ANKRD36C: variants seen among roughly 807,000 people sequenced by gnomAD.
The protein encoded by ANKRD36C is ankyrin repeat domain-containing protein 36C.
In ANKRD36C, 61 loss-of-function variants were observed where a neutral mutation model predicts 276.4. The ratio of observed to expected loss-of-function variants is 0.22; its 90% confidence interval spans 0.18 to 0.27. The LOEUF (loss-of-function observed/expected upper bound fraction) is 0.27, where lower values mean the gene tolerates loss of function less well. Ranked by LOEUF, ANKRD36C falls within the 10% of genes least tolerant of loss-of-function variation. The probability of loss-of-function intolerance (pLI) is 1.00; values close to 1 mark genes in which losing one functional copy is unlikely to be tolerated. For synonymous variants in ANKRD36C, 483 were observed against 680.1 expected (o/e 0.71, Z 4.51); for missense variants, 1,447 against 2,032.3 (o/e 0.71, Z 5.54).
chr2:95,910,290 GA>G, intron 42 of ANKRD36C, 82 bp downstream of exon 46: 2 of 1,413,232 alleles, frequency 1.4e-6, no homozygotes, highest in East Asian at 5.1e-5. Context: ...CAGCTTCGAC[GA>G]GCCACCCGCT....
At chr2:95,955,762 T>C (rs1255909749) in intron 13 of ANKRD36C, among the ~76,000 whole-genome samples, 1 of 152,166 alleles carries the variant, frequency 6.6e-6, no homozygotes, top group African/African-American at 2.4e-5. Flanking sequence ...TTTTCTCTCT[T>C]TGAGTTTCAG....
chr2:95,864,067 G>A (rs1157240033), intron 60 of ANKRD36C, among the ~76,000 whole-genome samples: 1 of 151,806 alleles, frequency 6.6e-6, no homozygotes, highest in Non-Finnish European at 1.5e-5. Context: ...AACATGTATT[G>A]GATTGGGGGT....
intron 59 of ANKRD36C, among the ~76,000 whole-genome samples, chr2:95,869,068 T>A (rs1675745126): frequency 6.6e-6 from 1 of 152,044 alleles, no homozygotes; most frequent in African/African-American, 2.4e-5. Context: ...CTAGTTTTCT[T>A]TCTTAGATGT....
At chr2:95,860,231 G>A (rs2696798) in intron 60 of ANKRD36C, among the ~76,000 whole-genome samples, 157 bp from the exon 81 acceptor site, 1 of 151,900 alleles carries the variant, frequency 6.6e-6, no homozygotes, top group African/African-American at 2.4e-5. Flanking sequence ...AGGTCTGCAG[G>A]TAAGACAACA....
intron 40 of ANKRD36C, among the ~76,000 whole-genome samples, chr2:95,912,971 T>C (rs1676979336): frequency 6.6e-6 from 1 of 151,180 alleles, no homozygotes; most frequent in Non-Finnish European, 1.5e-5. Flanking sequence ...TCACCTTGGA[T>C]ATCTGTTTGC....
intron 40 of ANKRD36C, among the ~76,000 whole-genome samples, chr2:95,913,411 C>T (rs529734633): frequency 6.6e-6 from 1 of 151,514 alleles, no homozygotes; most frequent in South Asian, 2.1e-4. Flanking sequence ...ATTTTTATAA[C>T]TAAAATCAAC....
chr2:95,986,615 A>T, intron 3 of ANKRD36C, 136 bp downstream of exon 3: 2 of 1,149,856 alleles, frequency 1.7e-6, no homozygotes, highest in Middle Eastern at 3.0e-4. Context: ...AAAATCTTAG[A>T]CAGTTAAGGC....
At chr2:95,938,379 T>C (rs1677776003) in intron 22 of ANKRD36C, among the ~76,000 whole-genome samples, 1 of 152,282 alleles carries the variant, frequency 6.6e-6, no homozygotes, top group African/African-American at 2.4e-5. Context: ...ATGCAGAAAC[T>C]CAATCCGGTA....
chr2:95,893,479 G>A, intron 44 of ANKRD36C, 54 bp downstream of exon 64: 3 of 1,531,850 alleles, frequency 2.0e-6, no homozygotes, highest in Non-Finnish European at 2.6e-6. Flanking sequence ...TTGGGGAAGG[G>A]AACTTCTTAT....
At chr2:95,947,043 AT>A (rs1298467849) in intron 17 of ANKRD36C, among the ~76,000 whole-genome samples, 1 of 151,440 alleles carries the variant, frequency 6.6e-6, no homozygotes, top group African/African-American at 2.4e-5. Context: ...ATATAAAAAA[AT>A]AAAAAAATAA....
intron 6 of ANKRD36C, among the ~76,000 whole-genome samples, chr2:95,969,530 G>A (rs1408902793): frequency 6.6e-6 from 1 of 152,080 alleles, no homozygotes; most frequent in Non-Finnish European, 1.5e-5. Context: ...TCGTCCCTTT[G>A]TCAAGTGCAT....
chr2:95,973,783 T>C (rs1305904829), intron 6 of ANKRD36C, among the ~76,000 whole-genome samples: 1 of 152,156 alleles, frequency 6.6e-6, no homozygotes, highest in Non-Finnish European at 1.5e-5. Flanking sequence ...GGCTCGTAAC[T>C]ATAATTCCAG....
chr2:95,881,223 G>T (rs1676070738), intron 56 of ANKRD36C, among the ~76,000 whole-genome samples: 1 of 151,858 alleles, frequency 6.6e-6, no homozygotes, highest in Admixed American at 6.6e-5. Flanking sequence ...GTAATAATCT[G>T]CCTACATTTC....
chr2:95,973,819 A>T (rs1445806920), intron 6 of ANKRD36C, among the ~76,000 whole-genome samples: 6 of 152,196 alleles, frequency 3.9e-5, no homozygotes, highest in Non-Finnish European at 8.8e-5. Flanking sequence ...AGGCAGGAGG[A>T]TCACTTGAAG....
chr2:95,980,971 C>T (rs1378548183), intron 4 of ANKRD36C, among the ~76,000 whole-genome samples, 186 bp from the exon 5 acceptor site: 1 of 151,926 alleles, frequency 6.6e-6, no homozygotes, highest in Non-Finnish European at 1.5e-5. Context: ...AAGCAAGGAA[C>T]AAAAAGGAAG....
intron 17 of ANKRD36C, among the ~76,000 whole-genome samples, chr2:95,946,156 GAAAA>G (rs56964568): frequency 2.7e-5 from 2 of 73,304 alleles, no homozygotes; most frequent in South Asian, 5.1e-4. Context: ...ACAGAGAGAG[GAAAA>G]AAAAAAAAAA....
chr2:95,852,292 A>G (rs1675312219), intron 64 of ANKRD36C, 96 bp from the exon 85 acceptor site: 1 of 872,014 alleles, frequency 1.1e-6, no homozygotes, highest in African/African-American at 1.7e-5. Context: ...AATATTTTAG[A>G]CTATCAGAAT....
At chr2:95,953,767 T>TA (rs1278218666) in intron 14 of ANKRD36C, among the ~76,000 whole-genome samples, 172 bp downstream of exon 14, 3 of 148,336 alleles carry the variant, frequency 2.0e-5, no homozygotes, top group East Asian at 2.0e-4. Flanking sequence ...TTTGCCAAAG[T>TA]AAAAAAAATT....
chr2:95,871,445 A>C (rs967974338), intron 59 of ANKRD36C, among the ~76,000 whole-genome samples: 18 of 152,260 alleles, frequency 1.2e-4, no homozygotes, highest in South Asian at 2.1e-4. Flanking sequence ...GAAATAAAAT[A>C]CTTTACAGAC....
Sources: allele counts gnomAD v4.1 joint callset (sites outside exome capture counted in the v4.1 genomes callset), GRCh38; gene constraint gnomAD v4.1.1; transcripts MANE v1.5; gene names NCBI Gene and HGNC (gene_info 2026-07-23, HGNC 2026-07-21).